Variants in TRAF3 observed in about 807,000 individuals in gnomAD.
TRAF3 encodes the protein TNF receptor associated factor 3.
TRAF3 carries 13 observed loss-of-function variants against 62.3 expected under a neutral mutation model. The ratio of observed to expected loss-of-function variants is 0.21; its 90% confidence interval spans 0.14 to 0.33. The LOEUF (loss-of-function observed/expected upper bound fraction) is 0.33, where lower values mean the gene tolerates loss of function less well. TRAF3 is among the 10% of genes least tolerant of loss of function. The pLI is 1.00. For missense variants in TRAF3, 440 were observed against 741.8 expected (o/e 0.59, Z 4.73); for synonymous variants, 269 against 283.4 (o/e 0.95, Z 0.51).
intron 8 of TRAF3, 98 bp downstream of exon 8, chr14:102,889,732 T>G (rs1298155925): frequency 7.0e-7 from 1 of 1,428,806 alleles, no homozygotes; most frequent in Non-Finnish European, 9.8e-7. Flanking sequence ...GGACTCCTTA[T>G]TCTTTGTCAT....
At chr14:102,842,212 C>G (rs977097805) in intron 2 of TRAF3, among the ~76,000 whole-genome samples, 8 of 150,798 alleles carry the variant, frequency 5.3e-5, no homozygotes, top group Admixed American at 2.6e-4. Context: ...CCACTGCACT[C>G]CAGCCTGGCG....
chr14:102,783,887 C>T (rs1201218362), intron 1 of TRAF3, among the ~76,000 whole-genome samples: 2 of 152,128 alleles, frequency 1.3e-5, no homozygotes, highest in African/African-American at 4.8e-5. Flanking sequence ...GGGCTACTAG[C>T]ACCAGGGACA....
chr14:102,828,037 G>T (rs945918410), intron 1 of TRAF3, among the ~76,000 whole-genome samples: 6 of 152,272 alleles, frequency 3.9e-5, no homozygotes, highest in Non-Finnish European at 8.8e-5. Flanking sequence ...GTAGCGCACA[G>T]CGCACTCGTT....
Position 102,905,795 on chromosome 14 carries a change from G to A in TRAF3, c.*11G>A. The A allele has an allele frequency of 2.5e-6, 4 of 1,612,268 alleles. No individual in the cohort carries two copies. The highest frequency in any genetic ancestry group is 2.5e-6 in the Non-Finnish European group (3 of 1,178,876). On this transcript the variant is annotated 3_prime_UTR_variant, in exon 12 of 12. Coordinates refer to ENST00000392745, the MANE Select transcript of TRAF3 (RefSeq NM_145725.3). Reference sequence around the variant, plus strand: ...CTGCCCGATCCCTGATAAGTAGCTGGGGAGGTGGATTTAGCAGAAGGCAAC... The same window carrying A: ...CTGCCCGATCCCTGATAAGTAGCTGAGGAGGTGGATTTAGCAGAAGGCAAC...
intron 10 of TRAF3, among the ~76,000 whole-genome samples, chr14:102,900,650 C>T (rs764839531): frequency 1.9e-4 from 29 of 152,242 alleles, no homozygotes; most frequent in East Asian, 5.8e-4. Flanking sequence ...CGTCCATCCA[C>T]GCGGCCTTCA....
At chr14:102,849,262 G>GC (rs1186637539) in intron 2 of TRAF3, among the ~76,000 whole-genome samples, 1 of 152,152 alleles carries the variant, frequency 6.6e-6, no homozygotes, top group Non-Finnish European at 1.5e-5. Flanking sequence ...CCCTTATACA[G>GC]CCCCGGGGCT....
At chr14:102,857,765 C>T (rs2139764192) in intron 2 of TRAF3, among the ~76,000 whole-genome samples, 1 of 152,356 alleles carries the variant, frequency 6.6e-6, no homozygotes, top group African/African-American at 2.4e-5. Context: ...CACACCATTC[C>T]CATCAAAGTC....
At position 102,897,317 on chromosome 14, in the gene TRAF3, C is replaced by T; in HGVS notation, c.876C>T (p.His292=). 1.2e-6 allele frequency: 2 copies of T among 1,613,696 alleles called. No homozygotes were observed. Among genetic ancestry groups the T allele is most frequent in the South Asian group, 1.1e-5 (1 of 91,044 alleles). ...AAAACAAGAGCATACAAAGTTTGCA[C>T]AATCAGATATGTAGCTTTGAAATTG... The part of the protein sequence containing the change: ...VEKNKSIQSL[H]NQICSFEIEI... The change falls in exon 10 of 12, where the codon CAC becomes CAT. Residue 292 remains histidine, a synonymous_variant. Transcript: ENST00000392745.
chr14:102,793,757 T>A (rs1006309348), intron 1 of TRAF3, among the ~76,000 whole-genome samples: 2 of 152,216 alleles, frequency 1.3e-5, no homozygotes, highest in Non-Finnish European at 2.9e-5. Context: ...AGGAAAGAGA[T>A]GTGCTTCCTT....
chr14:102,886,972 G>T (rs536794330), intron 7 of TRAF3, among the ~76,000 whole-genome samples: 201 of 152,328 alleles, frequency 1.3e-3, no homozygotes, highest in Non-Finnish European at 2.2e-3. Context: ...ACACATGCCG[G>T]GTGGAGGACA....
intron 2 of TRAF3, among the ~76,000 whole-genome samples, chr14:102,858,978 T>G (rs1489237493): frequency 2.6e-5 from 4 of 152,256 alleles, no homozygotes; most frequent in Non-Finnish European, 5.9e-5. Flanking sequence ...TACAAATTTT[T>G]GTTAAAGAGC....
chr14:102,880,207 A>T (rs1282548894), intron 6 of TRAF3, among the ~76,000 whole-genome samples: 17 of 152,304 alleles, frequency 1.1e-4, no homozygotes, highest in African/African-American at 4.1e-4. Context: ...GGCTGTGCAT[A>T]ATGGCTCATG....
chr14:102,794,622 A>G (rs892715894), intron 1 of TRAF3, among the ~76,000 whole-genome samples: 1 of 152,146 alleles, frequency 6.6e-6, no homozygotes, highest in African/African-American at 2.4e-5. Flanking sequence ...AGGGTCGAAG[A>G]ATTTGTGACT....
intron 2 of TRAF3, among the ~76,000 whole-genome samples, chr14:102,858,243 C>G (rs1177067983): frequency 6.6e-6 from 1 of 151,940 alleles, no homozygotes; most frequent in South Asian, 2.1e-4. Context: ...CCTCTGCCTC[C>G]TAGGTTTAAG....
chr14:102,828,192 C>T (rs1353764906), intron 1 of TRAF3, among the ~76,000 whole-genome samples: 1 of 152,170 alleles, frequency 6.6e-6, no homozygotes, highest in Non-Finnish European at 1.5e-5. Context: ...TAAAAATCTT[C>T]GTGATTGGAA....
chr14:102,783,326 T>C (rs890976465), intron 1 of TRAF3, among the ~76,000 whole-genome samples: 1 of 152,204 alleles, frequency 6.6e-6, no homozygotes, highest in Non-Finnish European at 1.5e-5. Context: ...GGGGGTTCTT[T>C]GATGGAAAGT....
chr14:102,837,991 T>C (rs1461367273), intron 2 of TRAF3, among the ~76,000 whole-genome samples: 3 of 152,222 alleles, frequency 2.0e-5, no homozygotes, highest in Admixed American at 2.0e-4. Flanking sequence ...AGCATAACTG[T>C]TGATTCTTAC....
chr14:102,838,333 C>T (rs1886153535), intron 2 of TRAF3, among the ~76,000 whole-genome samples: 1 of 152,154 alleles, frequency 6.6e-6, no homozygotes, highest in Non-Finnish European at 1.5e-5. Flanking sequence ...GAGAAGGAAG[C>T]AAGGCAAGTA....
chr14:102,891,475 A>G, intron 9 of TRAF3, 58 bp downstream of exon 9: 1 of 1,538,528 alleles, frequency 6.5e-7, no homozygotes, highest in South Asian at 1.2e-5. Context: ...AGATTATTTA[A>G]AGACAAAACC....
Sources: gnomAD v4.1 joint callset for allele counts (sites outside exome capture counted in the v4.1 genomes callset) on GRCh38, gnomAD v4.1.1 for gene constraint, MANE v1.5 for transcripts, NCBI Gene and HGNC (gene_info 2026-07-23, HGNC 2026-07-21) for gene names.